Variants in JHY observed in about 807,000 individuals in gnomAD.
The protein encoded by JHY is junctional cadherin complex regulator, also known as jhy protein homolog.
A neutral mutation model predicts 78.0 loss-of-function variants in JHY; 69 were observed. That is an observed-to-expected ratio of 0.88 (90% CI 0.73 to 1.08). The LOEUF is 1.08. JHY is among the 50% of genes least tolerant of loss of function. JHY has a pLI of 0.00. For missense variants in JHY, 944 were observed against 927.8 expected (o/e 1.02, Z -0.23); for synonymous variants, 368 against 342.6 (o/e 1.07, Z -0.82).
At chr11:122,947,036 C>T (rs754978524) in intron 6 of JHY, 26 of 399,256 alleles carry the variant, frequency 6.5e-5, no homozygotes, top group Non-Finnish European at 8.9e-5. Context: ...GTCATCTTGG[C>T]GAGAGGTCTC....
intron 3 of JHY, among the ~76,000 whole-genome samples, chr11:122,904,719 A>T (rs1324730727): frequency 6.6e-6 from 1 of 152,230 alleles, no homozygotes; most frequent in African/African-American, 2.4e-5. Flanking sequence ...TATAATTGCT[A>T]TAAGTAATTA....
chr11:122,915,640 G>A (rs1863218950), intron 3 of JHY, among the ~76,000 whole-genome samples: 1 of 152,078 alleles, frequency 6.6e-6, no homozygotes, highest in Non-Finnish European at 1.5e-5. Flanking sequence ...AGCCTCCCAA[G>A]TAGCTGGGAT....
rs1394578909 is a variant in JHY at position 122,946,662 on chromosome 11, T to C, written c.1799T>C (p.Val600Ala). Residue 600 changes from valine to alanine, a missense_variant, in exon 6 of 9, where the codon GTA becomes GCA. By Grantham distance (64) the Val-to-Ala change is moderately conservative (BLOSUM62 0). Coordinates refer to ENST00000227349, the MANE Select transcript of JHY (RefSeq NM_024806.4). ...ACGCTTCCACCTATACTGTCAAGGG[T>C]AGAAAGTGAATCCCAACTCAGTTCA... ...SVTLPPILSR[V>A]ESESQLSSER... The C allele has an allele frequency of 6.2e-7, 1 of 1,613,936 alleles. No homozygotes were observed. Among genetic ancestry groups the C allele is most frequent in the Non-Finnish European group, 8.5e-7 (1 of 1,179,980 alleles).
At chr11:122,919,467 C>A (rs569687229) in intron 3 of JHY, among the ~76,000 whole-genome samples, 2 of 151,650 alleles carry the variant, frequency 1.3e-5, no homozygotes, top group African/African-American at 4.8e-5. Context: ...GTGCCCCTGG[C>A]GCATCAGCGA....
intron 2 of JHY, among the ~76,000 whole-genome samples, chr11:122,900,697 T>C (rs1862837211): frequency 6.6e-6 from 1 of 152,062 alleles, no homozygotes; most frequent in Non-Finnish European, 1.5e-5. Flanking sequence ...TCAAGTACAT[T>C]CTGACCTATC....
At chr11:122,916,952 G>A (rs1863246720) in intron 3 of JHY, among the ~76,000 whole-genome samples, 1 of 152,018 alleles carries the variant, frequency 6.6e-6, no homozygotes, top group Non-Finnish European at 1.5e-5. Flanking sequence ...TTTTGTGAAT[G>A]CTTCCCCTAA....
chr11:122,958,709 GAA>G, intron 8 of JHY: 1 of 983,620 alleles, frequency 1.0e-6, no homozygotes, highest in Non-Finnish European at 1.2e-6. Context: ...ACATCACTGA[GAA>G]AAAGACTGCC....
chr11:122,956,381 C>G, intron 6 of JHY, 115 bp from the exon 7 acceptor site: 1 of 768,206 alleles, frequency 1.3e-6, no homozygotes, highest in South Asian at 2.0e-5. Flanking sequence ...ACAGTGCACA[C>G]AGGCTTTCAT....
At chr11:122,931,359 T>C (rs905596258) in intron 4 of JHY, among the ~76,000 whole-genome samples, 1 of 152,250 alleles carries the variant, frequency 6.6e-6, no homozygotes, top group African/African-American at 2.4e-5. Context: ...ACCTTTTACT[T>C]ATTAATATGA....
At chr11:122,932,792 C>A (rs1054483234) in intron 4 of JHY, among the ~76,000 whole-genome samples, 9 of 152,126 alleles carry the variant, frequency 5.9e-5, no homozygotes, top group African/African-American at 2.2e-4. Context: ...ATTTGCAGAG[C>A]CTTCCTGCCC....
intron 3 of JHY, among the ~76,000 whole-genome samples, chr11:122,923,883 ATTTTT>A (rs760512913): frequency 4.0e-5 from 4 of 100,516 alleles, no homozygotes; most frequent in African/African-American, 4.5e-5. Context: ...CGCCTGGCTA[ATTTTT>A]TTTTTTTTTT....
chr11:122,945,069 T>C (rs1178783743), intron 5 of JHY, among the ~76,000 whole-genome samples: 2 of 152,210 alleles, frequency 1.3e-5, no homozygotes, highest in Non-Finnish European at 2.9e-5. Flanking sequence ...TTGAATATTA[T>C]GTCTCTCAAA....
chr11:122,895,039 C>T (rs555251312), intron 2 of JHY, among the ~76,000 whole-genome samples: 12 of 152,128 alleles, frequency 7.9e-5, no homozygotes, highest in Non-Finnish European at 1.2e-4. Context: ...TTTAATCTTT[C>T]GGATTTATTT....
intron 3 of JHY, among the ~76,000 whole-genome samples, chr11:122,907,473 T>C (rs1035115334): frequency 6.6e-6 from 1 of 152,126 alleles, no homozygotes; most frequent in African/African-American, 2.4e-5. Context: ...ACTTGAAGTT[T>C]ATATGGGGGG....
chr11:122,907,819 G>A (rs1591376210), intron 3 of JHY, among the ~76,000 whole-genome samples: 1 of 136,830 alleles, frequency 7.3e-6, no homozygotes, highest in African/African-American at 2.7e-5. Flanking sequence ...GGCAACAAGA[G>A]TGAAACTCTA....
chr11:122,909,820 C>A (rs565631078), intron 3 of JHY, among the ~76,000 whole-genome samples: 1 of 151,902 alleles, frequency 6.6e-6, no homozygotes, highest in Non-Finnish European at 1.5e-5. Context: ...ATGTATAGAG[C>A]GTGCTAAGAT....
At chr11:122,937,553 A>T (rs1863784111) in intron 5 of JHY, among the ~76,000 whole-genome samples, 2 of 151,854 alleles carry the variant, frequency 1.3e-5, no homozygotes, top group South Asian at 2.1e-4. Context: ...TTGTTTGAGC[A>T]CCCCTTCCGG....
chr11:122,954,023 T>C (rs2135381298), intron 6 of JHY, among the ~76,000 whole-genome samples: 1 of 152,304 alleles, frequency 6.6e-6, no homozygotes, highest in Middle Eastern at 3.4e-3. Context: ...TGCTGAGATG[T>C]TAGGAATATT....
chr11:122,946,589 G>A lies in JHY; in HGVS notation c.1726G>A (p.Val576Met), dbSNP rs750053725. 1.9e-6 allele frequency: 3 copies of A among 1,613,906 alleles called. No individual in the cohort carries two copies. The highest frequency in any genetic ancestry group is 1.7e-5 in the Admixed American group (1 of 59,990). ...AATGGAGCAGCATCAGCAAGCCTTG[G>A]TGCAGCTGACCGACGTGCAGCCCAG... ...QIMEQHQQAL[V>M]QLTDVQPSEG... The change falls in exon 6 of 9, where the codon GTG becomes ATG. Residue 576 changes from valine to methionine, a missense_variant. Physicochemically the swap from Val to Met is conservative, Grantham distance 21. Transcript: ENST00000227349.
Sources: allele counts gnomAD v4.1 joint callset (sites outside exome capture counted in the v4.1 genomes callset), GRCh38; gene constraint gnomAD v4.1.1; transcripts MANE v1.5; gene names NCBI Gene and HGNC (gene_info 2026-07-23, HGNC 2026-07-21).